The following SEZ6L variants were observed in gnomAD, a reference collection of about 807,000 sequenced individuals.
The protein encoded by SEZ6L is seizure 6-like protein.
In SEZ6L, 37 loss-of-function variants were observed where a neutral mutation model predicts 106.2. The observed-to-expected ratio is 0.35, with a 90% CI of 0.27 to 0.46. The LOEUF is 0.46. SEZ6L is among the 20% of genes least tolerant of loss of function. The probability of loss-of-function intolerance (pLI) is 1.00; values close to 1 mark genes in which losing one functional copy is unlikely to be tolerated. For synonymous variants in SEZ6L, 541 were observed against 570.4 expected, an observed-to-expected ratio of 0.95 and a Z score of 0.73; for missense variants, 1,172 against 1,332.8, an observed-to-expected ratio of 0.88 and a Z score of 1.88.
intron 9 of SEZ6L, among the ~76,000 whole-genome samples, chr22:26,333,092 C>T (rs1455214504): frequency 6.6e-6 from 1 of 152,186 alleles, no homozygotes; most frequent in Non-Finnish European, 1.5e-5. Context: ...TTCCACTGCC[C>T]TGAGAAAGGG....
intron 12 of SEZ6L, among the ~76,000 whole-genome samples, chr22:26,351,938 C>A (rs184386643): frequency 3.2e-4 from 49 of 152,134 alleles, no homozygotes; most frequent in Admixed American, 3.2e-3. Context: ...GCAGGCAAAC[C>A]ACTCGAGCCC....
Position 26,311,931 on chromosome 22 carries a change from A to G in SEZ6L, c.1845A>G (p.Pro615=), listed in dbSNP as rs1311584784. 1.9e-6 allele frequency: 3 copies of G among 1,614,088 alleles called. No individual in the cohort carries two copies. Among genetic ancestry groups the G allele is most frequent in the African/African-American group, 2.7e-5 (2 of 75,008 alleles). ...TCGAATGCATCAATGTGCGGGACCC[A>G]TACTGGAATGACACAGAGCCCCTGT... is the stretch of plus-strand genomic sequence containing the variant. ...AIIECINVRD[P]YWNDTEPLCR... The change falls in exon 8 of 17, where the codon CCA becomes CCG. Residue 615 remains proline, a synonymous_variant. Coordinates refer to ENST00000248933, the MANE Select transcript of SEZ6L (RefSeq NM_021115.5).
chr22:26,226,988 C>T (rs2078653325), intron 1 of SEZ6L, among the ~76,000 whole-genome samples: 1 of 152,152 alleles, frequency 6.6e-6, no homozygotes, highest in African/African-American at 2.4e-5. Context: ...CTTTGGTCCA[C>T]GTACCACAGA....
chr22:26,297,689 T>C (rs939124457), intron 4 of SEZ6L, among the ~76,000 whole-genome samples: 2 of 152,148 alleles, frequency 1.3e-5, no homozygotes, highest in Admixed American at 6.6e-5. Context: ...TCCTGTCTTC[T>C]CTGTTTTGCT....
At chr22:26,348,646 A>AAGAAAGAAAGAAAAAGAAAGAAAG (rs1556371589) in intron 11 of SEZ6L, among the ~76,000 whole-genome samples, 1 of 7,692 alleles carries the variant, frequency 1.3e-4, no homozygotes, top group African/African-American at 7.9e-4. Context: ...GAAAGAAAGA[A>AAGAAAGAAAGAAAAAGAAAGAAAG]AAAGAAAGAA....
At chr22:26,183,464 GACCACTC>G (rs1215915087) in intron 1 of SEZ6L, among the ~76,000 whole-genome samples, 1 of 152,060 alleles carries the variant, frequency 6.6e-6, no homozygotes, top group Non-Finnish European at 1.5e-5. Context: ...GAATTTCTGG[GACCACTC>G]CCTATAGCCC....
chr22:26,305,839 G>T, intron 5 of SEZ6L, 140 bp from the exon 6 acceptor site: 1 of 872,722 alleles, frequency 1.1e-6, no homozygotes, highest in Non-Finnish European at 1.7e-6. Context: ...GTTTCATCCT[G>T]GGCAAGGGGC....
At chr22:26,369,341 C>CTTTTTTTTTTTTTTTTTTTTTT (rs199641007) in intron 13 of SEZ6L, among the ~76,000 whole-genome samples, 1,732 of 103,388 alleles carry the variant, frequency 0.017, 361 homozygotes, top group East Asian at 0.035. Flanking sequence ...ATAAGCAGTT[C>CTTTTTTTTTTTTTTTTTTTTTT]TTTTGTTTTT....
chr22:26,230,539 G>A (rs1156714859), intron 1 of SEZ6L, among the ~76,000 whole-genome samples: 1 of 152,150 alleles, frequency 6.6e-6, no homozygotes, highest in Non-Finnish European at 1.5e-5. Flanking sequence ...ATTTCTAATG[G>A]AATGAATCAG....
intron 1 of SEZ6L, among the ~76,000 whole-genome samples, chr22:26,252,366 C>T (rs1451564753): frequency 6.6e-6 from 1 of 152,160 alleles, no homozygotes; most frequent in Non-Finnish European, 1.5e-5. Context: ...TCATTCCCTA[C>T]CTCAGATGAA....
rs1234720339 is a variant in SEZ6L at position 26,169,657 on chromosome 22, C to G, written c.-13C>G. 5 of 1,172,246 alleles carry G rather than the reference C, an allele frequency of 4.3e-6. No individual in the cohort carries two copies. Among genetic ancestry groups the G allele is most frequent in the Middle Eastern group, 6.2e-4 (2 of 3,240 alleles). 72.6% of individuals were successfully genotyped at this position (1,172,246 alleles called of 1,614,324 possible). On this transcript the variant is annotated 5_prime_UTR_variant, in exon 1 of 17. Transcript: ENST00000248933. ...GCCCCACAGCCAGCGGCTCCGCGCC[C>G]CCTGCAGCCACGATGCCCGCGGCCC...
chr22:26,280,330 C>T (rs968270728), intron 1 of SEZ6L, among the ~76,000 whole-genome samples: 3 of 151,834 alleles, frequency 2.0e-5, no homozygotes, highest in African/African-American at 4.8e-5. Flanking sequence ...TTCTCCTTTC[C>T]ATCTTTATTC....
intron 12 of SEZ6L, among the ~76,000 whole-genome samples, chr22:26,360,554 T>C (rs1328409900): frequency 6.6e-6 from 1 of 152,192 alleles, no homozygotes; most frequent in Non-Finnish European, 1.5e-5. Context: ...GAAAGGTTCA[T>C]GGGGGAATTC....
In SEZ6L at chr22:26,247,087, C is replaced by G. The variant is rs112743506; in HGVS notation, c.95-45319C>G. Among the ~76,000 whole-genome samples the G allele has an allele frequency of 8.6e-3, 1,310 of 152,240 alleles. 11 individuals are homozygous for G. The highest frequency in any genetic ancestry group is 0.03 in the African/African-American group (1,256 of 41,532). On this transcript the variant is annotated intron_variant, in intron 1 of 16. Transcript: ENST00000248933. Reference sequence around the variant, plus strand: ...ACTCTGATATATGAATAGGAAAACCCCATACCCTCATCTCATGATGTGAAA... The same window carrying G: ...ACTCTGATATATGAATAGGAAAACCGCATACCCTCATCTCATGATGTGAAA...
At chr22:26,310,472 G>C (rs1213717307) in intron 6 of SEZ6L, among the ~76,000 whole-genome samples, 198 bp from the exon 7 acceptor site, 3 of 152,146 alleles carry the variant, frequency 2.0e-5, no homozygotes, top group African/African-American at 7.2e-5. Flanking sequence ...GGAGGCGGAG[G>C]TTGCAGTGAG....
rs769444885 is a variant in SEZ6L at position 26,381,706 on chromosome 22, C to T, written c.*1411C>T. ...TCTTGGGAAGATTCTTTTCTAAATA[C>T]AGGTATAAAGAGAAGGTGGAGGGTG... On this transcript the variant is annotated 3_prime_UTR_variant, in exon 17 of 17. Coordinates refer to ENST00000248933, the MANE Select transcript of SEZ6L (RefSeq NM_021115.5). The T allele has an allele frequency of 3.3e-4, 54 of 165,816 alleles. No individual in the cohort carries two copies. Among genetic ancestry groups the T allele is most frequent in the Non-Finnish European group, 1.1e-4 (8 of 75,864 alleles). The allele number at this position is 165,816 out of a possible 1,614,324, so 10.3% of individuals were successfully genotyped here.
chr22:26,299,585 C>A (rs2081392274), intron 5 of SEZ6L, among the ~76,000 whole-genome samples: 1 of 152,224 alleles, frequency 6.6e-6, no homozygotes. Context: ...ACTTTCATGT[C>A]TGACTTCTTT....
chr22:26,257,006 G>A (rs1306221173), intron 1 of SEZ6L, among the ~76,000 whole-genome samples: 1 of 152,196 alleles, frequency 6.6e-6, no homozygotes, highest in Non-Finnish European at 1.5e-5. Flanking sequence ...GTTTTCAACA[G>A]GGGTGGGGAG....
chr22:26,304,397 A>G (rs913312530), intron 5 of SEZ6L, among the ~76,000 whole-genome samples: 20 of 149,770 alleles, frequency 1.3e-4, no homozygotes, highest in Non-Finnish European at 2.4e-4. Context: ...AGAAAGAAAG[A>G]AAGAAAGAAA....
Sources: allele counts gnomAD v4.1 joint callset (sites outside exome capture counted in the v4.1 genomes callset), GRCh38; gene constraint gnomAD v4.1.1; transcripts MANE v1.5; gene names NCBI Gene and HGNC (gene_info 2026-07-23, HGNC 2026-07-21).